DOCK7: variants seen among roughly 807,000 people sequenced by gnomAD.
DOCK7 encodes dedicator of cytokinesis 7.
DOCK7 carries 138 observed loss-of-function variants against 271.0 expected under a neutral mutation model. The ratio of observed to expected loss-of-function variants is 0.51; its 90% confidence interval spans 0.44 to 0.59. DOCK7 has a LOEUF of 0.59. DOCK7 is among the 20% of genes least tolerant of loss of function. The pLI is 0.00. For missense variants in DOCK7, 2,066 were observed against 2,592.4 expected (o/e 0.80, Z 4.41); for synonymous variants, 823 against 876.1 (o/e 0.94, Z 1.07).
Position 62,648,232 on chromosome 1 carries a change from A to C in DOCK7, c.606T>G (p.Leu202=). 1 of 1,613,706 alleles carries C rather than the reference A, an allele frequency of 6.2e-7. No homozygotes were observed. The highest frequency in any genetic ancestry group is 1.3e-5 in the African/African-American group (1 of 75,016). The change falls in exon 6 of 50, where the codon CTT becomes CTG. Residue 202 remains leucine (L), a synonymous_variant. Transcript: ENST00000635253. ...ACSIFDLKNS[L]PDALLPNLLD... ...GTAAATTGGGAAGCAAAGCATCAGG[A>C]AGTGAATTTTTCAAGTCAAAGATAC... is the stretch of plus-strand genomic sequence containing the variant.
intron 11 of DOCK7, among the ~76,000 whole-genome samples, chr1:62,630,884 G>A (rs932365602): frequency 6.6e-6 from 1 of 151,910 alleles, no homozygotes; most frequent in Non-Finnish European, 1.5e-5. Context: ...AATGAAACAA[G>A]CTTATATAAG....
At chr1:62,652,316 C>T (rs1260176174) in intron 4 of DOCK7, among the ~76,000 whole-genome samples, 3 of 152,150 alleles carry the variant, frequency 2.0e-5, no homozygotes, top group South Asian at 4.2e-4. Flanking sequence ...TTCAGAGATA[C>T]CTCATAACTT....
In DOCK7 at chr1:62,528,158, G is replaced by A. The variant is rs75172286; in HGVS notation, c.3929C>T (p.Thr1310Met). 13 of 1,608,886 alleles carry A rather than the reference G, an allele frequency of 8.1e-6. No individual in the cohort carries two copies. Among genetic ancestry groups the A allele is most frequent in the South Asian group, 5.6e-5 (5 of 89,824 alleles). The change falls in exon 31 of 50, where the codon ACG becomes ATG. Residue 1310 changes from threonine to methionine, a missense_variant. Thr to Met is a moderately conservative substitution (Grantham distance 81). Around this residue, in one of 2 missense-constraint regions of DOCK7, gnomAD observed 1,414 missense variants for 1,670.4 expected, o/e 0.85. Transcript: ENST00000635253. ...TAGGAGGATTGTTTTTACCGTTGAC[G>A]TGAGGAGGAAACTGCCAGGCCTTGT... ...QLTRPGSFLLTSTSGRQHTTF... is the reference protein window; with the variant it reads ...QLTRPGSFLLMSTSGRQHTTF...
At chr1:62,670,341 C>T (rs1659828235) in intron 1 of DOCK7, among the ~76,000 whole-genome samples, 2 of 152,280 alleles carry the variant, frequency 1.3e-5, no homozygotes, top group Non-Finnish European at 2.9e-5. Flanking sequence ...TACGTGAAGC[C>T]AGCTGGGCTC....
At chr1:62,653,848 A>G (rs1371336146) in intron 3 of DOCK7, 55 bp from the exon 4 acceptor site, 1 of 1,464,164 alleles carries the variant, frequency 6.8e-7, no homozygotes, top group Non-Finnish European at 9.5e-7. Flanking sequence ...ACTGATGTTC[A>G]TTAATTTGGT....
intron 48 of DOCK7, chr1:62,458,191 G>A (rs558259647): frequency 1.5e-3 from 222 of 152,526 alleles, no homozygotes; most frequent in South Asian, 6.2e-3. Context: ...GTGTACGCGC[G>A]CGCTGAGATT....
In DOCK7 at chr1:62,578,975, A is replaced by G; in HGVS notation, c.1872-9T>C. ...CATGAAAATCAGGAGACCTTCATAC[A>G]AAAAAAAAAAAAAATCAACAGTCAG... On this transcript the variant is annotated splice_polypyrimidine_tract_variant and intron_variant, in intron 16 of 49. Coordinates refer to ENST00000635253, the MANE Select transcript of DOCK7 (RefSeq NM_001367561.1). 5.3e-6 allele frequency: 1 copy of G among 187,062 alleles called. No individual in the cohort carries two copies. Among genetic ancestry groups the G allele is most frequent in the Admixed American group, 7.0e-5 (1 of 14,250 alleles). The allele number at this position is 187,062 out of a possible 1,614,324, so 11.6% of individuals were successfully genotyped here. A position where few individuals can be genotyped will look rare whatever the true frequency, so the allele number is the denominator to read the frequency against.
intron 43 of DOCK7, chr1:62,485,783 A>AT (rs1491048327): frequency 3.9e-5 from 32 of 810,378 alleles, no homozygotes; most frequent in Non-Finnish European, 4.8e-5. Context: ...TAGAAAACAC[A>AT]TTTTTTAAAT....
chr1:62,682,363 T>C (rs1242294285), intron 1 of DOCK7, among the ~76,000 whole-genome samples: 1 of 152,050 alleles, frequency 6.6e-6, no homozygotes, highest in Non-Finnish European at 1.5e-5. Context: ...CACCTAGAAG[T>C]GAAATAATAA....
chr1:62,501,184 C>G (rs1646773094), intron 37 of DOCK7, among the ~76,000 whole-genome samples: 1 of 152,048 alleles, frequency 6.6e-6, no homozygotes, highest in Non-Finnish European at 1.5e-5. Context: ...CCTGTCTCGA[C>G]TAAAACAAAC....
At chr1:62,628,053 A>G (rs1234911149) in intron 11 of DOCK7, 1 of 152,114 alleles carries the variant, frequency 6.6e-6, no homozygotes, top group African/African-American at 2.4e-5. Flanking sequence ...GTTTCATGGA[A>G]AAAAATTTTT....
intron 35 of DOCK7, among the ~76,000 whole-genome samples, chr1:62,507,047 G>T (rs997111975): frequency 1.3e-5 from 2 of 151,874 alleles, no homozygotes; most frequent in South Asian, 4.2e-4. Flanking sequence ...GACTTGAAGT[G>T]ATCCACCCAC....
intron 20 of DOCK7, among the ~76,000 whole-genome samples, chr1:62,556,404 T>A (rs1403724565): frequency 2.0e-5 from 3 of 151,580 alleles, no homozygotes; most frequent in African/African-American, 2.4e-5. Context: ...TACTTTTGTT[T>A]AAAAAAATTA....
chr1:62,620,540 T>A (rs1459499772), intron 12 of DOCK7, among the ~76,000 whole-genome samples: 1 of 151,968 alleles, frequency 6.6e-6, no homozygotes, highest in Non-Finnish European at 1.5e-5. Context: ...TAGTCCATTA[T>A]CTATGCCTAT....
At chr1:62,460,335 AAAT>A (rs1390815992) in intron 48 of DOCK7, among the ~76,000 whole-genome samples, 5 of 152,164 alleles carry the variant, frequency 3.3e-5, no homozygotes, top group South Asian at 2.1e-4. Context: ...CCATGGATTG[AAAT>A]AATAATTAAA....
intron 35 of DOCK7, among the ~76,000 whole-genome samples, chr1:62,507,388 T>TACA (rs1646974080): frequency 1.3e-5 from 2 of 152,260 alleles, no homozygotes; most frequent in African/African-American, 2.4e-5. Flanking sequence ...TGTTCTCATC[T>TACA]ACAAGATGAG....
intron 14 of DOCK7, among the ~76,000 whole-genome samples, chr1:62,589,926 T>G (rs1448439459): frequency 2.7e-5 from 4 of 150,292 alleles, no homozygotes; most frequent in Admixed American, 2.7e-4. Context: ...TACTCATCTG[T>G]GTTGTTCTAA....
intron 7 of DOCK7, among the ~76,000 whole-genome samples, chr1:62,638,631 GAATA>G (rs1557841985): frequency 7.3e-5 from 10 of 137,002 alleles, no homozygotes; most frequent in Non-Finnish European, 4.7e-5. Context: ...ATATTTTCAT[GAATA>G]TATATATTTT....
chr1:62,646,155 CAA>C (rs58296142), intron 7 of DOCK7, among the ~76,000 whole-genome samples: 26 of 111,212 alleles, frequency 2.3e-4, no homozygotes, highest in South Asian at 5.8e-4. Context: ...GACTCCGTCT[CAA>C]AAAAAAAAAA....
Sources: allele counts gnomAD v4.1 joint callset (sites outside exome capture counted in the v4.1 genomes callset), GRCh38; gene constraint gnomAD v4.1.1; regional missense constraint gnomAD v4.1.1; transcripts MANE v1.5; gene names NCBI Gene and HGNC (gene_info 2026-07-23, HGNC 2026-07-21).